The following USP34 variants were observed in gnomAD, a reference collection of about 807,000 sequenced individuals.
USP34 encodes the protein ubiquitin specific peptidase 34.
Under a neutral mutation model 460.3 loss-of-function variants are expected in USP34, and 70 were observed. That is an observed-to-expected ratio of 0.15 (90% confidence interval 0.13 to 0.19). The LOEUF is 0.19. Among genes scored for constraint, USP34 ranks in the 10% least tolerant of loss-of-function variants. USP34 has a pLI of 1.00. For synonymous variants in USP34, 1,647 were observed against 1,405.3 expected (o/e 1.17, Z -3.85); for missense variants, 3,985 against 4,236.2 (o/e 0.94, Z 1.65).
intron 27 of USP34, among the ~76,000 whole-genome samples, chr2:61,306,957 A>G (rs1303500787): frequency 4.6e-5 from 7 of 152,158 alleles, no homozygotes; most frequent in Non-Finnish European, 8.8e-5. Context: ...CAGCCATCCC[A>G]TTACTAGGTA....
At chr2:61,281,284 T>C in intron 37 of USP34, 42 bp from the exon 38 acceptor site, 3 of 1,586,164 alleles carry the variant, frequency 1.9e-6, no homozygotes, top group Non-Finnish European at 2.6e-6. Flanking sequence ...AGAGTTAGTA[T>C]TACAAAGTTA....
At chr2:61,236,866 C>G (rs1164155810) in intron 53 of USP34, among the ~76,000 whole-genome samples, 1 of 152,190 alleles carries the variant, frequency 6.6e-6, no homozygotes, top group Non-Finnish European at 1.5e-5. Context: ...CTTCATCTGT[C>G]TGAATACCTT....
intron 10 of USP34, among the ~76,000 whole-genome samples, chr2:61,355,033 C>T (rs1692062819): frequency 6.6e-6 from 1 of 152,188 alleles, no homozygotes; most frequent in Non-Finnish European, 1.5e-5. Flanking sequence ...AAGACAGGCA[C>T]TCCCCGAGGA....
intron 62 of USP34, 30 bp downstream of exon 62, chr2:61,227,037 T>A: frequency 6.4e-7 from 1 of 1,573,696 alleles, no homozygotes; most frequent in Non-Finnish European, 8.6e-7. Context: ...CCAAACATGC[T>A]TTAAACATTT....
intron 6 of USP34, among the ~76,000 whole-genome samples, chr2:61,380,825 T>C (rs1692946678): frequency 6.6e-6 from 1 of 152,316 alleles, no homozygotes; most frequent in South Asian, 2.1e-4. Context: ...AAGGTTAGCC[T>C]GCTGGATGAA....
At position 61,348,579 on chromosome 2, in the gene USP34, C is replaced by G. The variant is rs1572956972; in HGVS notation, c.1675-99G>C. On this transcript the variant is annotated intron_variant, in intron 14 of 79. Transcript: ENST00000398571. The stretch of plus-strand genomic sequence containing the variant: ...TGTACTTTTTAAAAAGGCTGCCAGT[C>G]TTGTTATACTCCTTTGAACAATACA... 4.8e-6 allele frequency: 7 copies of G among 1,470,980 alleles called. No individual in the cohort carries two copies. The East Asian group carries it at 1.7e-4, about 35-fold the overall frequency. 91.1% of individuals were successfully genotyped at this position (1,470,980 alleles called of 1,614,324 possible).
chr2:61,227,225 T>A lies in USP34; in HGVS notation c.7444-7A>T. Reference sequence around the variant, plus strand: ...ATAACACTTCAACTTGAGGCTAAGTTGGAATAAAATTCAATTTTAATACGG... The same window carrying A: ...ATAACACTTCAACTTGAGGCTAAGTAGGAATAAAATTCAATTTTAATACGG... On this transcript the variant is annotated splice_region_variant and splice_polypyrimidine_tract_variant and intron_variant, in intron 61 of 79. Transcript: ENST00000398571. 6.2e-7 allele frequency: 1 copy of A among 1,603,494 alleles called. No individual in the cohort carries two copies.
intron 1 of USP34, among the ~76,000 whole-genome samples, chr2:61,445,818 T>C (rs1695098121): frequency 6.6e-6 from 1 of 151,576 alleles, no homozygotes; most frequent in Admixed American, 6.6e-5. Flanking sequence ...CGTGGTGCTA[T>C]GCACGTGTAA....
In USP34 at chr2:61,375,683, G is replaced by A. The variant is rs150501506; in HGVS notation, c.1076+2680C>T. ...ACTCGGGAGGCTGAAGCAGGAGAAT[G>A]GCGTGAATCTGGGAGGCGGAGCTTG... On this transcript the variant is annotated intron_variant, in intron 8 of 79. Coordinates refer to ENST00000398571, the MANE Select transcript of USP34 (RefSeq NM_014709.4). 8.1e-4 allele frequency among the ~76,000 whole-genome samples: 122 copies of A among 150,514 alleles called. 1 individual carries two copies. The East Asian group carries it at 0.013, about 16-fold the overall frequency.
chr2:61,214,494 T>C lies in USP34; in HGVS notation c.8248A>G (p.Thr2750Ala), dbSNP rs779735963. Residue 2750 changes from threonine (T) to alanine (A), a missense_variant, in exon 68 of 80, where the codon ACA (threonine) becomes GCA (alanine). Physicochemically the swap from Thr to Ala is moderately conservative, Grantham distance 58. Around this residue, in one of 14 missense-constraint regions of USP34, gnomAD observed 604 missense variants for 684.8 expected, o/e 0.88. Coordinates refer to ENST00000398571, the MANE Select transcript of USP34 (RefSeq NM_014709.4). Reference protein sequence around the residue: ...LYVDAAVHGTTKLVPYFSFMT... With the variant: ...LYVDAAVHGTAKLVPYFSFMT... ...AAGCTAAAATAGGGCACTAGCTTTG[T>C]AGTGCCATGAACAGCAGCATCAACA... 1 of 1,613,934 alleles carries C rather than the reference T, an allele frequency of 6.2e-7. No homozygotes were observed. Among genetic ancestry groups the C allele is most frequent in the South Asian group, 1.1e-5 (1 of 91,008 alleles).
At chr2:61,384,004 G>C (rs899554235) in intron 5 of USP34, among the ~76,000 whole-genome samples, 2 of 152,120 alleles carry the variant, frequency 1.3e-5, no homozygotes, top group Non-Finnish European at 2.9e-5. Flanking sequence ...CACTGTATTA[G>C]TTTTTTAATA....
intron 1 of USP34, among the ~76,000 whole-genome samples, chr2:61,452,438 C>A (rs984723859): frequency 9.4e-5 from 14 of 149,406 alleles, no homozygotes; most frequent in Non-Finnish European, 1.8e-4. Context: ...GATTCTCGTG[C>A]CTCAGCCTCC....
chr2:61,258,498 G>A (rs915431667), intron 44 of USP34, among the ~76,000 whole-genome samples: 10 of 152,178 alleles, frequency 6.6e-5, no homozygotes, highest in Non-Finnish European at 1.0e-4. Flanking sequence ...TTGAAACCAA[G>A]CTGACTCTTG....
intron 3 of USP34, among the ~76,000 whole-genome samples, chr2:61,403,372 G>A (rs899358119): frequency 1.7e-4 from 26 of 152,118 alleles, no homozygotes; most frequent in African/African-American, 6.0e-4. Context: ...TTTTTAATTG[G>A]AAAAAATTTC....
chr2:61,348,060 C>T lies in USP34; in HGVS notation c.2095G>A (p.Glu699Lys). The change falls in exon 15 of 80, where the codon GAA (glutamate) becomes AAA (lysine). Residue 699 changes from glutamate to lysine, a missense_variant. Glu to Lys is a moderately conservative substitution (Grantham distance 56, BLOSUM62 1). Around this residue, in one of 14 missense-constraint regions of USP34, gnomAD observed 716 missense variants for 626.2 expected, o/e 1.14. Transcript: ENST00000398571. Reference protein sequence around the residue: ...MRMLDACSHSEDPEHDISGEM... With the variant: ...MRMLDACSHSKDPEHDISGEM... Reference sequence around the variant, plus strand: ...CCTGAAATATCATGTTCTGGGTCTTCAGAGTGTGAACAAGCATCCAGCATT... The same window carrying T: ...CCTGAAATATCATGTTCTGGGTCTTTAGAGTGTGAACAAGCATCCAGCATT... The T allele has an allele frequency of 6.2e-7, 1 of 1,614,184 alleles. No individual in the cohort carries two copies. The highest frequency in any genetic ancestry group is 8.5e-7 in the Non-Finnish European group (1 of 1,180,026).
chr2:61,389,971 C>G (rs1444513859), intron 5 of USP34, among the ~76,000 whole-genome samples: 1 of 151,584 alleles, frequency 6.6e-6, no homozygotes, highest in Non-Finnish European at 1.5e-5. Flanking sequence ...ATTTCCTATT[C>G]TCCTATCTAG....
chr2:61,201,639 G>A (rs775262153), intron 75 of USP34, among the ~76,000 whole-genome samples: 5 of 152,092 alleles, frequency 3.3e-5, no homozygotes, highest in East Asian at 1.9e-4. Context: ...CTGATGTGAC[G>A]GCAAGTATTC....
intron 10 of USP34, among the ~76,000 whole-genome samples, chr2:61,350,965 G>C (rs556821032): frequency 9.9e-5 from 15 of 152,210 alleles, no homozygotes; most frequent in Non-Finnish European, 2.2e-4. Context: ...GCTGATGCCT[G>C]TAATTCCAAT....
intron 73 of USP34, 48 bp downstream of exon 73, chr2:61,204,449 C>T (rs201335849): frequency 5.0e-6 from 8 of 1,612,418 alleles, no homozygotes; most frequent in African/African-American, 4.0e-5. Flanking sequence ...GTGTGCAGAA[C>T]GATTAAATGC....
Sources: allele counts gnomAD v4.1 joint callset (sites outside exome capture counted in the v4.1 genomes callset), GRCh38; gene constraint gnomAD v4.1.1; regional missense constraint gnomAD v4.1.1; transcripts MANE v1.5; gene names NCBI Gene and HGNC (gene_info 2026-07-23, HGNC 2026-07-21).